The following MORN1 variants were observed in gnomAD, a reference collection of about 807,000 sequenced individuals.
MORN1 encodes MORN repeat-containing protein 1.
A neutral mutation model predicts 61.9 loss-of-function variants in MORN1; 67 were observed. The observed-to-expected ratio is 1.08, with a 90% CI of 0.89 to 1.33. The LOEUF (loss-of-function observed/expected upper bound fraction) is 1.33. Ranked by LOEUF, MORN1 falls within the 40% of genes most tolerant of loss-of-function variation. The probability of loss-of-function intolerance (pLI) is 0.00; values close to 1 mark genes in which losing one functional copy is unlikely to be tolerated. For missense variants in MORN1, 752 were observed against 691.2 expected (o/e 1.09, Z -0.99); for synonymous variants, 301 against 292.0 (o/e 1.03, Z -0.31).
At chr1:2,388,414 G>T in intron 2 of MORN1, 77 bp from the exon 3 acceptor site, 1 of 1,160,756 alleles carries the variant, frequency 8.6e-7, no homozygotes, top group Non-Finnish European at 1.3e-6. Context: ...TGTTGGGCCT[G>T]TTTCTCAGAA....
At chr1:2,352,016 T>A (rs1158900653) in intron 10 of MORN1, 6 of 536,216 alleles carry the variant, frequency 1.1e-5, no homozygotes, top group Non-Finnish European at 2.1e-5. Context: ...CACCAGGAAT[T>A]AGAGGTCCAC....
At chr1:2,376,239 G>C (rs16825081) in intron 6 of MORN1, 3,348 of 152,454 alleles carry the variant, frequency 0.022, 51 homozygotes, top group African/African-American at 0.039. Context: ...CAACGCATTT[G>C]ATTGGCATCT....
chr1:2,324,992 T>A (rs1330116199), intron 12 of MORN1, among the ~76,000 whole-genome samples: 1 of 151,502 alleles, frequency 6.6e-6, no homozygotes, highest in Non-Finnish European at 1.5e-5. Flanking sequence ...GGCAGGTGCC[T>A]CCGATGCTCC....
At chr1:2,354,377 C>T (rs1641714753) in intron 10 of MORN1, among the ~76,000 whole-genome samples, 1 of 151,746 alleles carries the variant, frequency 6.6e-6, no homozygotes, top group African/African-American at 2.4e-5. Flanking sequence ...CCAGCCTGGG[C>T]AACATGGCGA....
chr1:2,367,507 T>A (rs1642022978), intron 8 of MORN1, among the ~76,000 whole-genome samples: 1 of 151,690 alleles, frequency 6.6e-6, no homozygotes, highest in South Asian at 2.1e-4. Flanking sequence ...GAAAGAATAC[T>A]CTTTTTAACA....
chr1:2,385,773 T>C (rs375479087), intron 5 of MORN1, 34 bp downstream of exon 5: 28 of 1,590,906 alleles, frequency 1.8e-5, no homozygotes, highest in South Asian at 2.2e-5. Flanking sequence ...GTATCTGTCA[T>C]GCGCCAGGCA....
intron 12 of MORN1, chr1:2,326,192 G>A (rs1006858395): frequency 6.6e-6 from 1 of 152,226 alleles, no homozygotes; most frequent in Admixed American, 6.5e-5. Context: ...GCAACTGGGT[G>A]AAAAAGAATG....
rs746900908 is a variant in MORN1, at chr1:2,388,194, G to A, written c.247+45C>T. On this transcript the variant is annotated intron_variant, in intron 3 of 13. Coordinates refer to ENST00000378531, the MANE Select transcript of MORN1 (RefSeq NM_024848.3). Reference sequence around the variant, plus strand: ...ACTCGGCGGACCAACTGAGCCCGATGGGTTATGAGAAAGGAGTGAATGTGC... The same window carrying A: ...ACTCGGCGGACCAACTGAGCCCGATAGGTTATGAGAAAGGAGTGAATGTGC... The A allele has an allele frequency of 1.3e-5, 20 of 1,482,816 alleles. No individual in the cohort carries two copies. The Admixed American group carries it at 3.4e-4, about 25-fold the overall frequency. The allele number at this position is 1,482,816 out of a possible 1,614,324, so 91.9% of individuals were successfully genotyped here. A position where few individuals can be genotyped will look rare whatever the true frequency, so the allele number is the denominator to read the frequency against.
At chr1:2,389,820 G>A (rs1448046468) in intron 2 of MORN1, 105 bp downstream of exon 2, 4 of 1,006,684 alleles carry the variant, frequency 4.0e-6, no homozygotes, top group African/African-American at 3.2e-5. Flanking sequence ...CAATGGGCTC[G>A]AAAGCTACAG....
chr1:2,338,087 C>T (rs999725117), intron 10 of MORN1, among the ~76,000 whole-genome samples: 5 of 152,116 alleles, frequency 3.3e-5, no homozygotes, highest in Admixed American at 3.3e-4. Flanking sequence ...CTGTGGGGCT[C>T]TGAGTGAGTG....
chr1:2,357,544 C>T lies in MORN1; in HGVS notation c.924G>A (p.Gly308=), dbSNP rs1430864216. ...CTGCCCCTCCCTTGGCAGCTCTGGG[C>T]CCCGGCACCCCAGCTGCGGGGCTGG... ...PVSSPAAGVP[G]PRAAKGGAEA... is the part of the protein sequence containing the mutation. Residue 308 remains glycine, a synonymous_variant, in exon 10 of 14, where the codon GGG becomes GGA. Transcript: ENST00000378531. This position sits in a 1 kb window ranked among gnomAD's most constrained non-coding sequence, Gnocchi z 6.3. 1 of 1,611,992 alleles carries T rather than the reference C, an allele frequency of 6.2e-7. No individual in the cohort carries two copies.
At chr1:2,373,371 G>C (rs1464489165) in intron 7 of MORN1, among the ~76,000 whole-genome samples, 1 of 152,244 alleles carries the variant, frequency 6.6e-6, no homozygotes, top group Admixed American at 6.5e-5. Flanking sequence ...GTGTTCTGGG[G>C]GCAAAGCCAG....
chr1:2,385,109 G>T, intron 5 of MORN1, 44 bp from the exon 6 acceptor site: 1 of 1,545,866 alleles, frequency 6.5e-7, no homozygotes. Flanking sequence ...AGGGGGAGCC[G>T]GGTGGTGGCA....
intron 8 of MORN1, among the ~76,000 whole-genome samples, chr1:2,369,457 T>C (rs1642070422): frequency 2.6e-5 from 4 of 151,912 alleles, no homozygotes; most frequent in Admixed American, 2.6e-4. Flanking sequence ...GTAAAAACCT[T>C]GCAGCTTTTC....
At position 2,372,366 on chromosome 1, in the gene MORN1, A is replaced by T; in HGVS notation, c.745+115T>A. 1.3e-6 allele frequency: 1 copy of T among 786,514 alleles called. No homozygotes were observed. The highest frequency in any genetic ancestry group is 2.0e-6 in the Non-Finnish European group (1 of 495,060). 48.7% of individuals were successfully genotyped at this position (786,514 alleles called of 1,614,324 possible). A position where few individuals can be genotyped will look rare whatever the true frequency, so the allele number is the denominator to read the frequency against. Reference sequence around the variant, plus strand: ...TCTGCCAGGCTCTGGGCACGAAGTCACTGCTGTGCCTCAGGAGCCACATGC... The same window carrying T: ...TCTGCCAGGCTCTGGGCACGAAGTCTCTGCTGTGCCTCAGGAGCCACATGC... On this transcript the variant is annotated intron_variant, in intron 8 of 13. Transcript: ENST00000378531. The surrounding 1 kb of genome is among the most constrained non-coding windows in gnomAD (Gnocchi z 5.4).
intron 8 of MORN1, among the ~76,000 whole-genome samples, chr1:2,369,979 T>G (rs902154056): frequency 6.6e-6 from 1 of 152,210 alleles, no homozygotes; most frequent in African/African-American, 2.4e-5. Context: ...GTTGCAGAAG[T>G]TGGCAAACTG....
intron 12 of MORN1, among the ~76,000 whole-genome samples, chr1:2,335,852 G>GCCCAGCCCAGCCCAGCCCAGCC (rs1557870554): frequency 7.3e-6 from 1 of 136,240 alleles, no homozygotes; most frequent in African/African-American, 3.8e-5. Context: ...CCAGCGCGCA[G>GCCCAGCCCAGCCCAGCCCAGCC]CTGCCCCCAA....
intron 13 of MORN1, 70 bp downstream of exon 13, chr1:2,324,027 C>G (rs1385963806): frequency 6.6e-7 from 1 of 1,523,172 alleles, no homozygotes; most frequent in Non-Finnish European, 8.8e-7. Flanking sequence ...CCACCTCCAG[C>G]CCTGGGCTGC....
chr1:2,379,285 A>G, intron 6 of MORN1: 1 of 391,632 alleles, frequency 2.6e-6, no homozygotes, highest in Non-Finnish European at 5.2e-6. Flanking sequence ...AGGCCAGGAG[A>G]GAGAGAAGAA....
Sources: allele counts gnomAD v4.1 joint callset (sites outside exome capture counted in the v4.1 genomes callset), GRCh38; gene constraint gnomAD v4.1.1; non-coding constraint Gnocchi (gnomAD v3.1); transcripts MANE v1.5; gene names NCBI Gene and HGNC (gene_info 2026-07-23, HGNC 2026-07-21).